The following ZNF251 variants were observed in gnomAD, a reference collection of about 807,000 sequenced individuals.
The protein encoded by ZNF251 is zinc finger protein 251.
ZNF251 carries 14 observed loss-of-function variants against 13.5 expected under a neutral mutation model. The ratio of observed to expected loss-of-function variants is 1.04; its 90% CI spans 0.69 to 1.63. The LOEUF (loss-of-function observed/expected upper bound fraction) is 1.63. Ranked by LOEUF, ZNF251 falls within the 40% of genes most tolerant of loss-of-function variation. The probability of loss-of-function intolerance (pLI) is 0.00; values close to 1 mark genes in which losing one functional copy is unlikely to be tolerated. For synonymous variants in ZNF251, 287 were observed against 295.2 expected, an observed-to-expected ratio of 0.97 and a Z score of 0.28; for missense variants, 764 against 834.9, an observed-to-expected ratio of 0.92 and a Z score of 1.05.
chr8:144,750,846 G>GTTTTTTTTTTTTTTTTTTTTT (rs58473905), intron 4 of ZNF251, among the ~76,000 whole-genome samples: 3 of 141,314 alleles, frequency 2.1e-5, no homozygotes, highest in African/African-American at 5.3e-5. Context: ...TCTCTCCAGA[G>GTTTTTTTTTTTTTTTTTTTTT]TTTTTTTTTT....
intron 4 of ZNF251, among the ~76,000 whole-genome samples, chr8:144,735,399 A>G (rs200149607): frequency 0.03 from 4,576 of 150,612 alleles, 125 homozygotes; most frequent in African/African-American, 0.062. Flanking sequence ...AAAAAAAAAA[A>G]AGAGATTTTG....
chr8:144,732,067 G>A (rs1229728313), intron 4 of ZNF251, among the ~76,000 whole-genome samples: 7 of 150,620 alleles, frequency 4.6e-5, no homozygotes, highest in Admixed American at 2.6e-4. Flanking sequence ...CTCAGCCTCC[G>A]GAGTAGCTGG....
intron 4 of ZNF251, among the ~76,000 whole-genome samples, chr8:144,727,175 G>C (rs1052733451): frequency 2.7e-4 from 41 of 152,234 alleles, no homozygotes; most frequent in Non-Finnish European, 5.9e-4. Flanking sequence ...GTAGTGCCTG[G>C]CAGGGACACC....
chr8:144,731,807 C>T (rs992573723), intron 4 of ZNF251, among the ~76,000 whole-genome samples: 14 of 152,044 alleles, frequency 9.2e-5, no homozygotes, highest in Non-Finnish European at 1.8e-4. Flanking sequence ...AGGCAGGTCT[C>T]GAACTCCTGA....
chr8:144,722,542 C>G lies in ZNF251; in HGVS notation c.1118G>C (p.Gly373Ala), dbSNP rs541130476. Residue 373 changes from glycine to alanine, a missense_variant, in exon 5 of 5, where the codon GGA (glycine) becomes GCA (alanine). Coordinates refer to ENST00000292562, the MANE Select transcript of ZNF251 (RefSeq NM_138367.2). This position sits in a 1 kb window ranked among gnomAD's most constrained non-coding sequence, Gnocchi z 4.8. ...CTGATTGCATTTATGGGGCTTCTCT[C>G]CAGTGTGAATTCTCTCATGCTGAAT... ...SLIQHERIHTGEKPHKCNQCG... is the reference protein window; with the variant it reads ...SLIQHERIHTAEKPHKCNQCG... 1.1e-5 allele frequency: 18 copies of G among 1,614,152 alleles called. No homozygotes were observed. The South Asian group carries it at 1.9e-4, about 17-fold the overall frequency.
intron 4 of ZNF251, among the ~76,000 whole-genome samples, chr8:144,726,194 C>CAAAAAAAAA (rs35542133): frequency 1.9e-5 from 1 of 52,140 alleles, no homozygotes; most frequent in Non-Finnish European, 3.3e-5. Context: ...GACTCTGTCT[C>CAAAAAAAAA]AAAAAAAAAA....
At chr8:144,747,778 A>C (rs1308612152) in intron 4 of ZNF251, among the ~76,000 whole-genome samples, 1 of 151,930 alleles carries the variant, frequency 6.6e-6, no homozygotes, top group Non-Finnish European at 1.5e-5. Context: ...ACGCCCGGCT[A>C]ATTTTGTATT....
intron 4 of ZNF251, among the ~76,000 whole-genome samples, chr8:144,749,745 A>G (rs1253370824): frequency 2.0e-5 from 3 of 152,110 alleles, no homozygotes; most frequent in Non-Finnish European, 2.9e-5. Context: ...ATACAAGTCC[A>G]CTTTCAAATA....
Position 144,722,443 on chromosome 8 carries a change from A to T in ZNF251, c.1217T>A (p.Val406Glu). The T allele has an allele frequency of 6.2e-7, 1 of 1,613,734 alleles. No individual in the cohort carries two copies. The highest frequency in any genetic ancestry group is 8.5e-7 in the Non-Finnish European group (1 of 1,179,906). ...HRVHTGEKPY[V>E]CNECGRAFGF... The stretch of plus-strand genomic sequence containing the variant: ...AAAGGCTCTGCCGCATTCATTACAT[A>T]CATAGGGTTTCTCTCCAGTATGAAC... Residue 406 changes from valine (V) to glutamate (E), a missense_variant, in exon 5 of 5, where the codon GTA (valine) becomes GAA (glutamate). By Grantham distance (121) the Val-to-Glu change is moderately radical. Coordinates refer to ENST00000292562, the MANE Select transcript of ZNF251 (RefSeq NM_138367.2). This position sits in a 1 kb window ranked among gnomAD's most constrained non-coding sequence, Gnocchi z 4.8.
At chr8:144,748,712 A>C (rs535515527) in intron 4 of ZNF251, among the ~76,000 whole-genome samples, 2 of 152,096 alleles carry the variant, frequency 1.3e-5, no homozygotes, top group East Asian at 1.9e-4. Flanking sequence ...TAGGTACACA[A>C]CACCACACCA....
At chr8:144,743,312 C>A (rs1447928363) in intron 4 of ZNF251, among the ~76,000 whole-genome samples, 1 of 152,186 alleles carries the variant, frequency 6.6e-6, no homozygotes, top group Non-Finnish European at 1.5e-5. Flanking sequence ...GATCCACCCG[C>A]CTTGGCCTCC....
rs773323973 is a variant in ZNF251 at position 144,754,753 on chromosome 8, T to C, written c.-25A>G. The C allele has an allele frequency of 6.2e-6, 10 of 1,610,900 alleles. No individual in the cohort carries two copies. Among genetic ancestry groups the C allele is most frequent in the Non-Finnish European group, 6.8e-6 (8 of 1,178,686 alleles). The stretch of plus-strand genomic sequence containing the variant: ...TTCTGTGTGCATGGGCTGCTGTGGT[T>C]TCCAAGAGAAGACAGGAGACTGCCC... On this transcript the variant is annotated 5_prime_UTR_variant, in exon 2 of 5. Transcript: ENST00000292562.
chr8:144,739,707 T>C lies in ZNF251; in HGVS notation c.277+13976A>G, dbSNP rs1045464236. On this transcript the variant is annotated intron_variant, in intron 4 of 4. Coordinates refer to ENST00000292562, the MANE Select transcript of ZNF251 (RefSeq NM_138367.2). Reference sequence around the variant, plus strand: ...TGAGCCCAGGAGTTCAAAACCACCCTGACCAATATGGTGAAACCTTGTCTC... The same window carrying C: ...TGAGCCCAGGAGTTCAAAACCACCCCGACCAATATGGTGAAACCTTGTCTC... Among the ~76,000 whole-genome samples the C allele has an allele frequency of 2.5e-4, 38 of 152,032 alleles. 2 individuals are homozygous for C. Among genetic ancestry groups the C allele is most frequent in the Non-Finnish European group, 2.9e-5 (2 of 68,002 alleles).
chr8:144,731,461 T>C (rs938323282), intron 4 of ZNF251, among the ~76,000 whole-genome samples: 1 of 152,244 alleles, frequency 6.6e-6, no homozygotes, highest in African/African-American at 2.4e-5. Context: ...TTAAGATTTG[T>C]GCATTTCATT....
chr8:144,747,165 T>G (rs1167367946), intron 4 of ZNF251, among the ~76,000 whole-genome samples: 3 of 152,344 alleles, frequency 2.0e-5, no homozygotes, highest in African/African-American at 7.2e-5. Flanking sequence ...TTTATTTTCA[T>G]TTTCACTTAA....
chr8:144,739,838 C>T (rs549832187), intron 4 of ZNF251, among the ~76,000 whole-genome samples: 3 of 150,208 alleles, frequency 2.0e-5, no homozygotes, highest in South Asian at 4.2e-4. Flanking sequence ...AAGGCTGCAG[C>T]GAGCCAAGAT....
At chr8:144,732,591 T>C (rs548286300) in intron 4 of ZNF251, among the ~76,000 whole-genome samples, 1 of 151,514 alleles carries the variant, frequency 6.6e-6, no homozygotes, top group Non-Finnish European at 1.5e-5. Context: ...GGCGGGGGAA[T>C]CACGAGGTCA....
At chr8:144,738,476 T>C (rs1824003927) in intron 4 of ZNF251, 1 of 883,306 alleles carries the variant, frequency 1.1e-6, no homozygotes, top group Non-Finnish European at 1.4e-6. Context: ...AAATGGCAAC[T>C]GCGGGACCAG....
At chr8:144,724,924 AT>A (rs1165235828) in intron 4 of ZNF251, among the ~76,000 whole-genome samples, 1 of 152,050 alleles carries the variant, frequency 6.6e-6, no homozygotes, top group East Asian at 1.9e-4. Flanking sequence ...TGGGCTTGGC[AT>A]TTTTTCTGAG....
Sources: allele counts gnomAD v4.1 joint callset (sites outside exome capture counted in the v4.1 genomes callset), GRCh38; gene constraint gnomAD v4.1.1; non-coding constraint Gnocchi (gnomAD v3.1); transcripts MANE v1.5; gene names NCBI Gene and HGNC (gene_info 2026-07-23, HGNC 2026-07-21).